The following ARID4A variants were observed in gnomAD, a reference collection of about 807,000 sequenced individuals.
ARID4A encodes the protein AT-rich interactive domain-containing protein 4A.
ARID4A carries 39 observed loss-of-function variants against 148.6 expected under a neutral mutation model. The ratio of observed to expected loss-of-function variants is 0.26; its 90% CI spans 0.20 to 0.34. The LOEUF (loss-of-function observed/expected upper bound fraction) is 0.34. Among genes scored for constraint, ARID4A ranks in the 10% least tolerant of loss-of-function variants. ARID4A has a pLI of 1.00. For synonymous variants in ARID4A, 475 were observed against 481.2 expected (o/e 0.99, Z 0.17); for missense variants, 1,265 against 1,449.1 (o/e 0.87, Z 2.06).
chr14:58,307,948 A>T (rs371497176), intron 5 of ARID4A, among the ~76,000 whole-genome samples: 1 of 152,236 alleles, frequency 6.6e-6, no homozygotes, highest in Non-Finnish European at 1.5e-5. Flanking sequence ...TATGATGCAT[A>T]TTCAGATATT....
chr14:58,364,676 T>C lies in ARID4A; in HGVS notation c.2587T>C (p.Ser863Pro). The C allele has an allele frequency of 6.2e-6, 10 of 1,613,622 alleles. No homozygotes were observed. Among genetic ancestry groups the C allele is most frequent in the Non-Finnish European group, 8.5e-6 (10 of 1,179,902 alleles). The change falls in exon 20 of 24, where the codon TCA becomes CCA. Residue 863 changes from serine to proline, a missense_variant. Around this residue, in one of 9 missense-constraint regions of ARID4A, gnomAD observed 666 missense variants for 730.9 expected, o/e 0.91. Transcript: ENST00000355431. ...GTTGAAACGGAAAATACTAGGACAATCATCGCCAGAGAAAAAAATAAGAAT... is the reference window on the plus strand; with the variant it reads ...GTTGAAACGGAAAATACTAGGACAACCATCGCCAGAGAAAAAAATAAGAAT... The part of the protein sequence containing the change: ...KKLKRKILGQ[S>P]SPEKKIRIEN...
rs2033438704 is a variant in ARID4A at position 58,330,116 on chromosome 14, G to A, written c.853G>A (p.Glu285Lys). The change falls in exon 11 of 24, where the codon GAA becomes AAA. Residue 285 changes from glutamate to lysine, a missense_variant. Transcript: ENST00000355431. ...SSSDDEDGPA[E>K]ENDEEKEKEA... The stretch of plus-strand genomic sequence containing the variant: ...TAGTGATGATGAAGATGGCCCAGCT[G>A]AAGAAAATGATGAAGAGAAGGAAAA... 1 of 1,613,278 alleles carries A rather than the reference G, an allele frequency of 6.2e-7. No homozygotes were observed. The highest frequency in any genetic ancestry group is 8.5e-7 in the Non-Finnish European group (1 of 1,179,760).
intron 7 of ARID4A, among the ~76,000 whole-genome samples, chr14:58,320,272 ATAAT>A (rs1274468581): frequency 6.6e-6 from 1 of 151,936 alleles, no homozygotes; most frequent in African/African-American, 2.4e-5. Context: ...ATATTTTGTA[ATAAT>A]TTTATTTTTC....
intron 3 of ARID4A, chr14:58,303,535 C>T (rs749806231): frequency 4.2e-6 from 2 of 470,768 alleles, no homozygotes; most frequent in African/African-American, 2.0e-5. Flanking sequence ...GTTTTCCTAC[C>T]AGAATTAAGC....
intron 3 of ARID4A, among the ~76,000 whole-genome samples, chr14:58,302,464 A>C (rs1707586600): frequency 6.6e-6 from 1 of 152,122 alleles, no homozygotes; most frequent in South Asian, 2.1e-4. Flanking sequence ...GTTGCACTCC[A>C]GCCTGGGTAA....
intron 17 of ARID4A, among the ~76,000 whole-genome samples, chr14:58,354,409 A>G (rs1196262363): frequency 6.6e-6 from 1 of 152,178 alleles, no homozygotes; most frequent in Admixed American, 6.5e-5. Context: ...AAGGCAGGGC[A>G]TGGGGGCTCT....
chr14:58,353,513 CCTT>C (rs2034731113), intron 16 of ARID4A, 142 bp from the exon 17 acceptor site: 4 of 672,074 alleles, frequency 6.0e-6, no homozygotes, highest in South Asian at 2.2e-5. Context: ...GAAATCTTCT[CCTT>C]CTCCTCCTTC....
chr14:58,320,842 C>T (rs1257433524), intron 7 of ARID4A, among the ~76,000 whole-genome samples: 5 of 152,040 alleles, frequency 3.3e-5, no homozygotes, highest in Admixed American at 6.6e-5. Flanking sequence ...CTCCTGACCT[C>T]GTGATCTGCC....
At chr14:58,347,589 G>A in intron 14 of ARID4A, 58 bp from the exon 15 acceptor site, 1 of 1,318,382 alleles carries the variant, frequency 7.6e-7, no homozygotes, top group Non-Finnish European at 1.0e-6. Flanking sequence ...TTAATAACAT[G>A]AATTCAAGTT....
At chr14:58,323,939 C>T (rs1158735135) in intron 8 of ARID4A, among the ~76,000 whole-genome samples, 3 of 116,734 alleles carry the variant, frequency 2.6e-5, no homozygotes, top group African/African-American at 3.3e-5. Context: ...GAGTCTCGCT[C>T]TGTCGCCCAG....
At chr14:58,325,364 C>T (rs766949391) in intron 8 of ARID4A, among the ~76,000 whole-genome samples, 10 of 152,106 alleles carry the variant, frequency 6.6e-5, no homozygotes, top group Admixed American at 1.3e-4. Context: ...TCACTGCAGC[C>T]TTAACCTCCC....
chr14:58,314,178 TCTGA>T (rs1338540301), intron 5 of ARID4A, among the ~76,000 whole-genome samples: 1 of 152,222 alleles, frequency 6.6e-6, no homozygotes, highest in Non-Finnish European at 1.5e-5. Context: ...ATCCTTGTAG[TCTGA>T]CTTTTTTTCC....
At chr14:58,354,638 A>G in intron 17 of ARID4A, among the ~76,000 whole-genome samples, 1 of 151,748 alleles carries the variant, frequency 6.6e-6, no homozygotes, top group Non-Finnish European at 1.5e-5. Context: ...AGCTATGATC[A>G]TACCACTGTA....
In ARID4A at chr14:58,299,776, C is replaced by T. The variant is rs369133537; in HGVS notation, c.-57-22C>T. On this transcript the variant is annotated intron_variant, in intron 1 of 23. Coordinates refer to ENST00000355431, the MANE Select transcript of ARID4A (RefSeq NM_002892.4). ...CGCAGTTGACTGATTATGTCTGTGC[C>T]TGTCTTTCCCCCTCCCCATAGTTCT... is the stretch of plus-strand genomic sequence containing the variant. The T allele has an allele frequency of 2.3e-4, 363 of 1,600,520 alleles. 1 individual carries two copies. The African/African-American group carries it at 4.2e-3, about 18-fold the overall frequency.
At chr14:58,352,847 A>G (rs1212666738) in intron 16 of ARID4A, among the ~76,000 whole-genome samples, 1 of 152,184 alleles carries the variant, frequency 6.6e-6, no homozygotes, top group Non-Finnish European at 1.5e-5. Flanking sequence ...TTATAAAAAT[A>G]TTAAAAGTAT....
At chr14:58,322,978 AAAAT>A (rs1231110551) in intron 7 of ARID4A, among the ~76,000 whole-genome samples, 151 of 141,144 alleles carry the variant, frequency 1.1e-3, no homozygotes, top group African/African-American at 3.8e-3. Context: ...AAAAAAAAAA[AAAAT>A]ATATATATAT....
At chr14:58,318,064 G>A (rs569491438) in intron 5 of ARID4A, among the ~76,000 whole-genome samples, 40 of 152,134 alleles carry the variant, frequency 2.6e-4, no homozygotes, top group African/African-American at 8.9e-4. Flanking sequence ...TTTGGCAGCT[G>A]GTACATGTGT....
At chr14:58,353,025 G>A (rs1311195671) in intron 16 of ARID4A, among the ~76,000 whole-genome samples, 3 of 152,000 alleles carry the variant, frequency 2.0e-5, no homozygotes, top group East Asian at 3.9e-4. Context: ...TCTTTTCTTT[G>A]TTAGGGCTGG....
intron 19 of ARID4A, among the ~76,000 whole-genome samples, chr14:58,363,478 T>C (rs1312352883): frequency 6.6e-6 from 1 of 152,164 alleles, no homozygotes; most frequent in Non-Finnish European, 1.5e-5. Flanking sequence ...GGTGGGCGGA[T>C]CACTTGAGGT....
Sources: allele counts gnomAD v4.1 joint callset (sites outside exome capture counted in the v4.1 genomes callset), GRCh38; gene constraint gnomAD v4.1.1; regional missense constraint gnomAD v4.1.1; transcripts MANE v1.5; gene names NCBI Gene and HGNC (gene_info 2026-07-23, HGNC 2026-07-21).